The following BCAS3 variants were observed in gnomAD, a reference collection of about 807,000 sequenced individuals.
BCAS3 encodes BCAS4/BCAS3 fusion.
Under a neutral mutation model 116.1 loss-of-function variants are expected in BCAS3, and 53 were observed. The ratio of observed to expected loss-of-function variants is 0.46; its 90% CI spans 0.37 to 0.57. The LOEUF (loss-of-function observed/expected upper bound fraction) is 0.57. BCAS3 is among the 20% of genes least tolerant of loss of function. The pLI is 0.00. For synonymous variants in BCAS3, 391 were observed against 408.2 expected (o/e 0.96, Z 0.51); for missense variants, 917 against 1,165.4 (o/e 0.79, Z 3.10).
At chr17:61,385,348 T>C (rs889341212) in intron 23 of BCAS3, among the ~76,000 whole-genome samples, 1 of 152,216 alleles carries the variant, frequency 6.6e-6, no homozygotes, top group African/African-American at 2.4e-5. Flanking sequence ...CCATTTTGCA[T>C]AGCTGGTCCT....
chr17:61,260,729 G>T (rs747931046), intron 22 of BCAS3, among the ~76,000 whole-genome samples: 1 of 152,200 alleles, frequency 6.6e-6, no homozygotes, highest in Non-Finnish European at 1.5e-5. Context: ...ACTTTGTACC[G>T]ACTAACATAG....
chr17:60,727,014 G>C (rs2039948493), intron 5 of BCAS3, among the ~76,000 whole-genome samples: 1 of 151,936 alleles, frequency 6.6e-6, no homozygotes, highest in Non-Finnish European at 1.5e-5. Context: ...ACTAGGTCAA[G>C]TTCTTTAACA....
rs569115199 is a variant in BCAS3, at chr17:61,213,263, G to A, written c.2425+128699G>A. On this transcript the variant is annotated intron_variant, in intron 22 of 23. Coordinates refer to ENST00000407086, the MANE Select transcript of BCAS3 (RefSeq NM_017679.5). The surrounding 1 kb of genome is among the most constrained non-coding windows in gnomAD (Gnocchi z 5.4). ...TGGCTCACTGCAACCTCTGGTCCCC[G>A]GGTTCAAGCGATCCTCCTGCCTCAG... is the stretch of plus-strand genomic sequence containing the variant. Among the ~76,000 whole-genome samples, 3 of 152,126 alleles carry A rather than the reference G, an allele frequency of 2.0e-5. No individual in the cohort carries two copies. Among genetic ancestry groups the A allele is most frequent in the East Asian group, 1.9e-4 (1 of 5,170 alleles).
rs764770980 is a variant in BCAS3, at chr17:61,122,833, G to A, written c.2425+38269G>A. 6.6e-6 allele frequency among the ~76,000 whole-genome samples: 1 copy of A among 152,066 alleles called. No homozygotes were observed. Among genetic ancestry groups the A allele is most frequent in the Non-Finnish European group, 1.5e-5 (1 of 68,020 alleles). ...ACAGCAATGTAAGCTGATGGCTATTGGAATTCACATACAGTTTGCATTTAC... is the reference window on the plus strand; with the variant it reads ...ACAGCAATGTAAGCTGATGGCTATTAGAATTCACATACAGTTTGCATTTAC... On this transcript the variant is annotated intron_variant, in intron 22 of 23. Coordinates refer to ENST00000407086, the MANE Select transcript of BCAS3 (RefSeq NM_017679.5). This position sits in a 1 kb window ranked among gnomAD's most constrained non-coding sequence, Gnocchi z 4.6.
chr17:60,705,529 A>G (rs1173062303), intron 4 of BCAS3, among the ~76,000 whole-genome samples: 6 of 151,026 alleles, frequency 4.0e-5, no homozygotes, highest in Non-Finnish European at 8.9e-5. Flanking sequence ...AAAAAAAAAA[A>G]AGAAAAGAAA....
chr17:61,310,553 C>CAA (rs374976012), intron 22 of BCAS3, among the ~76,000 whole-genome samples: 3 of 97,150 alleles, frequency 3.1e-5, no homozygotes, highest in South Asian at 3.9e-4. Context: ...GACTCTGTCT[C>CAA]AAAAAAAAAA....
At chr17:61,085,884 TATTTTAATCTGA>T (rs1601112679) in intron 22 of BCAS3, among the ~76,000 whole-genome samples, 1 of 152,236 alleles carries the variant, frequency 6.6e-6, no homozygotes, top group African/African-American at 2.4e-5. Context: ...AAATGTTACA[TATTTTAATCTGA>T]AGTATTTTAT....
rs1327828015 is a variant in BCAS3, at chr17:61,124,050, T to G, written c.2425+39486T>G. ...ATGGTTTTCAGCTATCAAATGTTAT[T>G]TCAAACTTGTATCTAGGAGAGAGAT... On this transcript the variant is annotated intron_variant, in intron 22 of 23. Transcript: ENST00000407086. The surrounding 1 kb of genome is among the most constrained non-coding windows in gnomAD (Gnocchi z 4.6). Among the ~76,000 whole-genome samples, 1 of 152,138 alleles carries G rather than the reference T, an allele frequency of 6.6e-6. No homozygotes were observed. Among genetic ancestry groups the G allele is most frequent in the Non-Finnish European group, 1.5e-5 (1 of 68,016 alleles).
At chr17:61,318,171 C>G (rs1370339187) in intron 22 of BCAS3, among the ~76,000 whole-genome samples, 2 of 152,104 alleles carry the variant, frequency 1.3e-5, no homozygotes, top group Non-Finnish European at 2.9e-5. Flanking sequence ...TAGAACACAC[C>G]AAAAAAGGAT....
intron 21 of BCAS3, among the ~76,000 whole-genome samples, chr17:61,079,617 AC>A (rs1466561407): frequency 6.6e-6 from 1 of 151,834 alleles, no homozygotes; most frequent in African/African-American, 2.4e-5. Flanking sequence ...ATTTTTTGAG[AC>A]GGAGTCTTGC....
At chr17:60,727,480 C>T (rs980965216) in intron 5 of BCAS3, 1 of 1,534,264 alleles carries the variant, frequency 6.5e-7, no homozygotes, top group Non-Finnish European at 8.8e-7. Context: ...GTACGTTGAC[C>T]ATCTTTGCAG....
chr17:61,256,996 T>G lies in BCAS3; in HGVS notation c.2426-111331T>G, dbSNP rs2144571544. On this transcript the variant is annotated intron_variant, in intron 22 of 23. Transcript: ENST00000407086. The surrounding 1 kb of genome is among the most constrained non-coding windows in gnomAD (Gnocchi z 5.6). ...TTTGGATTTAAAAAAAAATTTACAT[T>G]ATGCTTTTTATTTACACAGCATTTC... Among the ~76,000 whole-genome samples, 1 of 152,346 alleles carries G rather than the reference T, an allele frequency of 6.6e-6. No homozygotes were observed. Among genetic ancestry groups the G allele is most frequent in the East Asian group, 1.9e-4 (1 of 5,188 alleles).
intron 7 of BCAS3, among the ~76,000 whole-genome samples, chr17:60,854,430 G>A (rs899083337): frequency 6.6e-6 from 1 of 152,074 alleles, no homozygotes; most frequent in African/African-American, 2.4e-5. Context: ...GGGATGGCTG[G>A]GTCAAATGGT....
intron 4 of BCAS3, among the ~76,000 whole-genome samples, chr17:60,705,540 A>T (rs983087102): frequency 6.6e-6 from 1 of 151,458 alleles, no homozygotes; most frequent in Admixed American, 6.6e-5. Flanking sequence ...AGAAAAGAAA[A>T]TCATGAAAGA....
chr17:61,069,570 G>T (rs1382607681), intron 19 of BCAS3, among the ~76,000 whole-genome samples: 1 of 152,164 alleles, frequency 6.6e-6, no homozygotes, highest in Non-Finnish European at 1.5e-5. Flanking sequence ...AGGTGTGGTG[G>T]TTCATGCCTG....
At chr17:60,697,900 C>T (rs1162709864) in intron 4 of BCAS3, among the ~76,000 whole-genome samples, 1 of 152,112 alleles carries the variant, frequency 6.6e-6, no homozygotes, top group East Asian at 1.9e-4. Flanking sequence ...AGAAAATAGG[C>T]CGGGTACGAT....
intron 22 of BCAS3, among the ~76,000 whole-genome samples, chr17:61,318,099 A>T (rs1325135855): frequency 6.6e-6 from 1 of 152,206 alleles, no homozygotes; most frequent in African/African-American, 2.4e-5. Flanking sequence ...CTAGAGCTAC[A>T]TGCCGCTCCT....
At chr17:60,783,045 G>C (rs2045968075) in intron 6 of BCAS3, among the ~76,000 whole-genome samples, 3 of 152,032 alleles carry the variant, frequency 2.0e-5, no homozygotes, top group Admixed American at 2.0e-4. Context: ...GGATTTTTCG[G>C]GCAGTGAAAA....
chr17:61,165,579 G>A (rs1055893198), intron 22 of BCAS3, among the ~76,000 whole-genome samples: 2 of 152,044 alleles, frequency 1.3e-5, no homozygotes, highest in African/African-American at 4.8e-5. Context: ...CCAGCTACTC[G>A]GGAGGCTGAG....
Sources: allele counts gnomAD v4.1 joint callset (sites outside exome capture counted in the v4.1 genomes callset), GRCh38; gene constraint gnomAD v4.1.1; non-coding constraint Gnocchi (gnomAD v3.1); transcripts MANE v1.5; gene names NCBI Gene and HGNC (gene_info 2026-07-23, HGNC 2026-07-21).